Variants in B3GALT1 observed in about 807,000 individuals in gnomAD.
B3GALT1 encodes UDP-Gal:betaGlcNAc beta 1,3-galactosyltransferase, polypeptide 1.
B3GALT1 carries 10 observed loss-of-function variants against 23.2 expected under a neutral mutation model. The ratio of observed to expected loss-of-function variants is 0.43; its 90% CI spans 0.27 to 0.73. The LOEUF is 0.73. Ranked by LOEUF, B3GALT1 falls within the 30% of genes least tolerant of loss-of-function variation. B3GALT1 has a pLI of 0.21. For missense variants in B3GALT1, 299 were observed against 405.4 expected (o/e 0.74, Z 2.25); for synonymous variants, 156 against 141.5 (o/e 1.10, Z -0.73).
intron 3 of B3GALT1, among the ~76,000 whole-genome samples, chr2:167,739,817 A>C (rs982916723): frequency 6.6e-6 from 1 of 151,490 alleles, no homozygotes; most frequent in Non-Finnish European, 1.5e-5. Context: ...TAGGCCAGGC[A>C]CAGGGACTCA....
chr2:167,560,764 A>T (rs1207745608), intron 2 of B3GALT1, among the ~76,000 whole-genome samples: 3 of 152,124 alleles, frequency 2.0e-5, no homozygotes, highest in Non-Finnish European at 4.4e-5. Context: ...AACTGTCCTA[A>T]ATATATATGC....
intron 2 of B3GALT1, among the ~76,000 whole-genome samples, chr2:167,539,972 C>T (rs1683509677): frequency 6.6e-6 from 1 of 152,098 alleles, no homozygotes; most frequent in African/African-American, 2.4e-5. Flanking sequence ...AAAAGGCATA[C>T]TGAATATGAT....
chr2:167,548,844 A>C (rs927614120), intron 2 of B3GALT1, among the ~76,000 whole-genome samples: 5 of 152,292 alleles, frequency 3.3e-5, no homozygotes, highest in African/African-American at 1.2e-4. Context: ...GCAAACCAAA[A>C]AGAACTTGAG....
In B3GALT1 at chr2:167,722,688, G is replaced by A. The variant is rs1574231157; in HGVS notation, c.-352+75722G>A. On this transcript the variant is annotated intron_variant, in intron 3 of 4. Transcript: ENST00000392690. ...ATGGCTTTGAATTAGCGTGGTCTTT[G>A]ATAAGAGCTTTATTCCACTGCCCTG... 2.0e-5 allele frequency among the ~76,000 whole-genome samples: 3 copies of A among 152,160 alleles called. No homozygotes were observed. The South Asian group carries it at 6.2e-4, about 32-fold the overall frequency.
At chr2:167,782,196 C>T (rs930052353) in intron 3 of B3GALT1, among the ~76,000 whole-genome samples, 1 of 152,082 alleles carries the variant, frequency 6.6e-6, no homozygotes, top group African/African-American at 2.4e-5. Context: ...AACGGAGATT[C>T]CATGCTTAAG....
At chr2:167,394,394 C>T (rs935553155) in intron 1 of B3GALT1, among the ~76,000 whole-genome samples, 2 of 152,104 alleles carry the variant, frequency 1.3e-5, no homozygotes, top group Non-Finnish European at 2.9e-5. Context: ...CTGTCCTAAC[C>T]AAATTTCCAC....
intron 1 of B3GALT1, among the ~76,000 whole-genome samples, chr2:167,299,469 T>C (rs774267840): frequency 3.9e-5 from 6 of 152,174 alleles, no homozygotes; most frequent in Non-Finnish European, 8.8e-5. Context: ...AGTTTTTATT[T>C]TTATAAAATA....
intron 1 of B3GALT1, among the ~76,000 whole-genome samples, chr2:167,362,665 T>G (rs1697516305): frequency 6.6e-6 from 1 of 152,088 alleles, no homozygotes; most frequent in Non-Finnish European, 1.5e-5. Context: ...ATATCTCCCC[T>G]TCCTGAGGAC....
At chr2:167,786,780 A>G (rs1239230383) in intron 3 of B3GALT1, among the ~76,000 whole-genome samples, 1 of 152,252 alleles carries the variant, frequency 6.6e-6, no homozygotes, top group African/African-American at 2.4e-5. Context: ...CCCAGAAAGT[A>G]CTGAAGTAAG....
chr2:167,601,054 C>CGTTTGTTT (rs112358987), intron 2 of B3GALT1, among the ~76,000 whole-genome samples: 1 of 151,810 alleles, frequency 6.6e-6, no homozygotes, highest in Non-Finnish European at 1.5e-5. Context: ...CTAGATCCTC[C>CGTTTGTTT]GTTTGTTTGT....
chr2:167,684,441 C>T (rs1459176277), intron 3 of B3GALT1, among the ~76,000 whole-genome samples: 1 of 152,160 alleles, frequency 6.6e-6, no homozygotes, highest in Non-Finnish European at 1.5e-5. Flanking sequence ...TGCATTCGGT[C>T]CTGGCTCTAT....
intron 2 of B3GALT1, among the ~76,000 whole-genome samples, chr2:167,628,834 A>G (rs923541302): frequency 2.0e-5 from 3 of 151,880 alleles, no homozygotes; most frequent in East Asian, 1.9e-4. Flanking sequence ...AAAAATATAT[A>G]TATTCAATGG....
At chr2:167,814,463 A>T (rs998323026) in intron 3 of B3GALT1, among the ~76,000 whole-genome samples, 3 of 152,130 alleles carry the variant, frequency 2.0e-5, no homozygotes, top group African/African-American at 7.2e-5. Flanking sequence ...CACTGCTAAC[A>T]ATTAAGAATT....
intron 2 of B3GALT1, among the ~76,000 whole-genome samples, chr2:167,500,798 G>A (rs1431449019): frequency 6.6e-6 from 1 of 152,018 alleles, no homozygotes; most frequent in Non-Finnish European, 1.5e-5. Flanking sequence ...CTTACTCCTG[G>A]GGTAAGAGTA....
intron 1 of B3GALT1, among the ~76,000 whole-genome samples, chr2:167,449,085 T>G (rs1264294055): frequency 6.6e-6 from 1 of 152,186 alleles, no homozygotes; most frequent in Non-Finnish European, 1.5e-5. Flanking sequence ...TGAGGGCTAT[T>G]TTTTTGTTCC....
At chr2:167,794,213 A>T (rs190358103) in intron 3 of B3GALT1, among the ~76,000 whole-genome samples, 30 of 152,312 alleles carry the variant, frequency 2.0e-4, no homozygotes, top group Non-Finnish European at 2.2e-4. Flanking sequence ...TGCGTTTAAC[A>T]CTAGTCTGAT....
chr2:167,553,594 G>T (rs1359540504), intron 2 of B3GALT1, among the ~76,000 whole-genome samples: 3 of 152,126 alleles, frequency 2.0e-5, no homozygotes, highest in Non-Finnish European at 4.4e-5. Context: ...TACAATCCAA[G>T]ACCACTTCTG....
At chr2:167,382,382 T>C (rs1289843826) in intron 1 of B3GALT1, among the ~76,000 whole-genome samples, 1 of 152,144 alleles carries the variant, frequency 6.6e-6, no homozygotes, top group Non-Finnish European at 1.5e-5. Context: ...GTTTTTTCTT[T>C]AGTTAAGGAT....
chr2:167,761,246 C>T (rs903839376), intron 3 of B3GALT1, among the ~76,000 whole-genome samples: 8 of 152,176 alleles, frequency 5.3e-5, no homozygotes, highest in African/African-American at 1.9e-4. Flanking sequence ...GATATATTTT[C>T]AAATTATGAT....
Sources: gnomAD v4.1 joint callset for allele counts (sites outside exome capture counted in the v4.1 genomes callset) on GRCh38, gnomAD v4.1.1 for gene constraint, MANE v1.5 for transcripts, NCBI Gene and HGNC (gene_info 2026-07-23, HGNC 2026-07-21) for gene names.